OPCML: variants seen among roughly 807,000 people sequenced by gnomAD.
The protein encoded by OPCML is opioid binding protein/cell adhesion molecule like, also known as opioid-binding protein/cell adhesion molecule.
A neutral mutation model predicts 37.8 loss-of-function variants in OPCML; 13 were observed. The ratio of observed to expected loss-of-function variants is 0.34; its 90% CI spans 0.22 to 0.55. OPCML has a LOEUF of 0.55. OPCML is among the 20% of genes least tolerant of loss of function. The probability of loss-of-function intolerance (pLI) is 0.91; values close to 1 mark genes in which losing one functional copy is unlikely to be tolerated. For synonymous variants in OPCML, 176 were observed against 168.8 expected, an observed-to-expected ratio of 1.04 and a Z score of -0.33; for missense variants, 341 against 435.6, an observed-to-expected ratio of 0.78 and a Z score of 1.93.
rs1565583775 is a variant in OPCML, at chr11:133,345,123, C to G, written c.61+187141G>C. On this transcript the variant is annotated intron_variant, in intron 1 of 7. Transcript: ENST00000524381. Reference sequence around the variant, plus strand: ...AAGCACAGAGGCCTAAAGTAACACTCTCATTCCTGGAAACAGTAAAATATC... The same window carrying G: ...AAGCACAGAGGCCTAAAGTAACACTGTCATTCCTGGAAACAGTAAAATATC... Among the ~76,000 whole-genome samples, 5 of 152,288 alleles carry G rather than the reference C, an allele frequency of 3.3e-5. No homozygotes were observed. The South Asian group carries it at 8.3e-4, about 25-fold the overall frequency.
chr11:133,097,069 CT>C (rs1949014165), intron 1 of OPCML, among the ~76,000 whole-genome samples: 1 of 152,152 alleles, frequency 6.6e-6, no homozygotes, highest in Non-Finnish European at 1.5e-5. Context: ...AATCTATAGA[CT>C]ACTTTATCCA....
At chr11:132,715,739 T>C (rs1460960060) in intron 2 of OPCML, among the ~76,000 whole-genome samples, 2 of 152,194 alleles carry the variant, frequency 1.3e-5, no homozygotes, top group African/African-American at 4.8e-5. Flanking sequence ...TGCCTGGCAC[T>C]GTGAGAAATA....
chr11:132,469,087 A>G (rs1175613068), intron 4 of OPCML, among the ~76,000 whole-genome samples: 1 of 152,254 alleles, frequency 6.6e-6, no homozygotes, highest in Non-Finnish European at 1.5e-5. Flanking sequence ...TTCATTAGAC[A>G]AATGTGTTGA....
chr11:133,083,701 G>A (rs1360063714), intron 1 of OPCML, among the ~76,000 whole-genome samples: 1 of 152,194 alleles, frequency 6.6e-6, no homozygotes, highest in African/African-American at 2.4e-5. Flanking sequence ...ACACGGCCTC[G>A]CCACTGGGGA....
chr11:133,133,088 TC>T (rs1268363137), intron 1 of OPCML, among the ~76,000 whole-genome samples: 1 of 152,078 alleles, frequency 6.6e-6, no homozygotes, highest in Admixed American at 6.5e-5. Flanking sequence ...GCAAAGTAGG[TC>T]CCACACAGCC....
intron 1 of OPCML, among the ~76,000 whole-genome samples, chr11:133,405,995 G>T (rs924583764): frequency 2.0e-5 from 3 of 152,090 alleles, no homozygotes; most frequent in Non-Finnish European, 4.4e-5. Flanking sequence ...TGTTTCTATT[G>T]CTCCTTTTGT....
intron 4 of OPCML, among the ~76,000 whole-genome samples, chr11:132,463,544 C>T (rs1454632024): frequency 6.6e-6 from 1 of 152,172 alleles, no homozygotes; most frequent in East Asian, 1.9e-4. Context: ...GCATCATCAC[C>T]CTTGAGAAGC....
chr11:132,762,158 T>C (rs1273022361), intron 2 of OPCML, among the ~76,000 whole-genome samples: 4 of 152,200 alleles, frequency 2.6e-5, no homozygotes, highest in Non-Finnish European at 2.9e-5. Flanking sequence ...ACAGCGAAGA[T>C]TGCTGCCTGC....
chr11:133,015,986 C>T (rs1413261615), intron 1 of OPCML, among the ~76,000 whole-genome samples: 1 of 152,200 alleles, frequency 6.6e-6, no homozygotes, highest in African/African-American at 2.4e-5. Flanking sequence ...ATCCAAGGCT[C>T]CTTGTGCCCA....
chr11:132,560,645 A>G (rs2096408586), intron 3 of OPCML, among the ~76,000 whole-genome samples: 1 of 152,220 alleles, frequency 6.6e-6, no homozygotes, highest in Admixed American at 6.5e-5. Flanking sequence ...AGGTGGTATC[A>G]CATTGTGGTT....
At chr11:132,469,561 CTG>C (rs1475027322) in intron 4 of OPCML, among the ~76,000 whole-genome samples, 1 of 96,034 alleles carries the variant, frequency 1.0e-5, no homozygotes, top group Non-Finnish European at 2.0e-5. Context: ...GTGTGTGTAT[CTG>C]TGTGTGTGTA....
At chr11:133,311,445 A>C (rs919662317) in intron 1 of OPCML, among the ~76,000 whole-genome samples, 11 of 152,214 alleles carry the variant, frequency 7.2e-5, no homozygotes, top group African/African-American at 2.7e-4. Flanking sequence ...CTGCATCATT[A>C]GTGGTGAGGT....
chr11:132,757,428 G>A (rs1228226016), intron 2 of OPCML, among the ~76,000 whole-genome samples: 1 of 152,180 alleles, frequency 6.6e-6, no homozygotes, highest in African/African-American at 2.4e-5. Flanking sequence ...CATTGTAAAA[G>A]CGTTCCTATT....
intron 1 of OPCML, among the ~76,000 whole-genome samples, chr11:133,334,041 G>A (rs1271013223): frequency 3.9e-5 from 6 of 152,208 alleles, no homozygotes; most frequent in Admixed American, 1.3e-4. Context: ...CACACTGTTA[G>A]TGGGAATATA....
chr11:132,610,595 C>A (rs1002327181), intron 3 of OPCML, among the ~76,000 whole-genome samples: 1 of 152,082 alleles, frequency 6.6e-6, no homozygotes, highest in South Asian at 2.1e-4. Flanking sequence ...TGAAGACTGG[C>A]GCTCGGAACT....
chr11:132,811,423 G>T (rs1939332346), intron 2 of OPCML, among the ~76,000 whole-genome samples: 1 of 151,754 alleles, frequency 6.6e-6, no homozygotes, highest in South Asian at 2.1e-4. Flanking sequence ...GGCTGATCTA[G>T]ACCCCCTCAG....
chr11:133,493,453 A>C (rs550636630), intron 1 of OPCML, among the ~76,000 whole-genome samples: 1 of 152,246 alleles, frequency 6.6e-6, no homozygotes, highest in Non-Finnish European at 1.5e-5. Flanking sequence ...GTGTACATGC[A>C]TACTTTTTTT....
At chr11:132,851,986 A>G (rs1941829535) in intron 2 of OPCML, among the ~76,000 whole-genome samples, 1 of 152,256 alleles carries the variant, frequency 6.6e-6, no homozygotes, top group South Asian at 2.1e-4. Context: ...AGGCTCAAGA[A>G]GAGCATTCTG....
intron 1 of OPCML, among the ~76,000 whole-genome samples, chr11:133,051,261 G>A (rs948008579): frequency 2.6e-5 from 4 of 152,012 alleles, no homozygotes; most frequent in Admixed American, 6.6e-5. Context: ...ATATATCAAC[G>A]GGTGTCTAGC....
Sources: gnomAD v4.1 joint callset for allele counts (sites outside exome capture counted in the v4.1 genomes callset) on GRCh38, gnomAD v4.1.1 for gene constraint, MANE v1.5 for transcripts, NCBI Gene and HGNC (gene_info 2026-07-23, HGNC 2026-07-21) for gene names.